Variants in GRIP1 observed in about 807,000 individuals in gnomAD.
GRIP1 encodes glutamate receptor interacting protein 1, also known as glutamate receptor-interacting protein 1.
A neutral mutation model predicts 129.9 loss-of-function variants in GRIP1; 45 were observed. The observed-to-expected ratio is 0.35, with a 90% CI of 0.27 to 0.44. GRIP1 has a LOEUF of 0.44. Among genes scored for constraint, GRIP1 ranks in the 20% least tolerant of loss-of-function variants. The probability of loss-of-function intolerance (pLI) is 1.00; values close to 1 mark genes in which losing one functional copy is unlikely to be tolerated. For synonymous variants in GRIP1, 530 were observed against 520.8 expected (o/e 1.02, Z -0.24); for missense variants, 1,196 against 1,396.8 (o/e 0.86, Z 2.29).
At chr12:66,846,685 T>A (rs2039822933) in intron 1 of GRIP1, among the ~76,000 whole-genome samples, 1 of 152,186 alleles carries the variant, frequency 6.6e-6, no homozygotes. Context: ...ATTAAACAGG[T>A]GCAGACTTTG....
At chr12:67,010,955 T>C (rs2042698044) in intron 1 of GRIP1, among the ~76,000 whole-genome samples, 1 of 152,144 alleles carries the variant, frequency 6.6e-6, no homozygotes, top group African/African-American at 2.4e-5. Flanking sequence ...TGAGGCCTAG[T>C]ACCTTCCTCT....
chr12:66,726,401 T>C (rs577135115), intron 1 of GRIP1, among the ~76,000 whole-genome samples: 49 of 152,156 alleles, frequency 3.2e-4, no homozygotes, highest in Non-Finnish European at 5.3e-4. Flanking sequence ...TGACCTTCAA[T>C]TGCTTTCCTT....
At chr12:66,748,107 C>T (rs986772897) in intron 1 of GRIP1, among the ~76,000 whole-genome samples, 23 of 152,116 alleles carry the variant, frequency 1.5e-4, no homozygotes, top group African/African-American at 5.5e-4. Flanking sequence ...CAACCTCCAC[C>T]TTCTGGGTTT....
chr12:66,964,857 T>C (rs2041972874), intron 1 of GRIP1, among the ~76,000 whole-genome samples: 1 of 152,102 alleles, frequency 6.6e-6, no homozygotes, highest in South Asian at 2.1e-4. Context: ...GAGGCCTCTT[T>C]TCTTGGTGTG....
chr12:66,369,470 CT>C (rs1326570185), intron 23 of GRIP1, among the ~76,000 whole-genome samples: 4 of 149,652 alleles, frequency 2.7e-5, no homozygotes, highest in Non-Finnish European at 2.9e-5. Flanking sequence ...GAAAACAGGT[CT>C]TTTGTATTCC....
upstream of GRIP1, among the ~76,000 whole-genome samples, chr12:66,682,432 T>G (rs1375506575): frequency 6.6e-6 from 1 of 152,116 alleles, no homozygotes; most frequent in African/African-American, 2.4e-5. Flanking sequence ...GAATATCACC[T>G]CCATTGACAA....
chr12:66,718,630 C>T (rs982598015), intron 1 of GRIP1, among the ~76,000 whole-genome samples: 1 of 152,006 alleles, frequency 6.6e-6, no homozygotes, highest in Non-Finnish European at 1.5e-5. Context: ...GTGGGTGGAT[C>T]ATCTGAGGTC....
At chr12:66,510,952 C>T (rs766368409) in intron 7 of GRIP1, among the ~76,000 whole-genome samples, 10 of 152,274 alleles carry the variant, frequency 6.6e-5, no homozygotes, top group Admixed American at 3.3e-4. Flanking sequence ...AAATGAGATA[C>T]TACCACATGC....
intron 1 of GRIP1, among the ~76,000 whole-genome samples, chr12:66,760,384 G>T (rs1201461150): frequency 6.6e-6 from 1 of 152,112 alleles, no homozygotes; most frequent in Non-Finnish European, 1.5e-5. Flanking sequence ...ACCCCAAACA[G>T]GGGAAAATAA....
chr12:66,438,514 G>GC (rs1156369786), intron 13 of GRIP1, among the ~76,000 whole-genome samples: 1 of 139,598 alleles, frequency 7.2e-6, no homozygotes, highest in East Asian at 2.1e-4. Context: ...TTGAGACGGA[G>GC]TTTTTTTTTT....
intron 1 of GRIP1, among the ~76,000 whole-genome samples, chr12:66,810,799 T>G (rs988126284): frequency 1.3e-5 from 2 of 152,204 alleles, no homozygotes; most frequent in Middle Eastern, 3.2e-3. Flanking sequence ...GTCTCTAATT[T>G]GATTCTGTCC....
intron 1 of GRIP1, among the ~76,000 whole-genome samples, chr12:66,689,860 C>T (rs1331378942): frequency 2.0e-5 from 3 of 152,060 alleles, no homozygotes; most frequent in Non-Finnish European, 4.4e-5. Flanking sequence ...CACCATTTTA[C>T]TCTTTTATGA....
chr12:66,875,576 C>T lies in GRIP1; in HGVS notation c.58+193474G>A, dbSNP rs190600603. ...TCAGTAATTAAATTCCATGCACATC[C>T]AGAATTTTGCTTGTATGTACATTTT... On this transcript the variant is annotated intron_variant, in intron 1 of 1. Coordinates refer to the GRIP1 transcript ENST00000643019. 5.3e-3 allele frequency among the ~76,000 whole-genome samples: 799 copies of T among 152,104 alleles called. 11 individuals are homozygous for T. Among genetic ancestry groups the T allele is most frequent in the African/African-American group, 0.016 (674 of 41,494 alleles).
At chr12:66,426,679 A>G (rs1305419848) in intron 14 of GRIP1, among the ~76,000 whole-genome samples, 3 of 152,072 alleles carry the variant, frequency 2.0e-5, no homozygotes. Context: ...GTGGTCCTAA[A>G]GAGCTGTTCA....
chr12:66,598,806 T>C (rs1468919022), intron 1 of GRIP1, among the ~76,000 whole-genome samples: 1 of 152,180 alleles, frequency 6.6e-6, no homozygotes, highest in Non-Finnish European at 1.5e-5. Context: ...TACGGCATCT[T>C]GGAAGCCTAA....
chr12:66,926,633 A>G (rs2041300170), intron 1 of GRIP1, among the ~76,000 whole-genome samples: 1 of 152,222 alleles, frequency 6.6e-6, no homozygotes, highest in East Asian at 1.9e-4. Flanking sequence ...ATGTGACTTT[A>G]GTCTTCAATT....
intron 1 of GRIP1, among the ~76,000 whole-genome samples, chr12:66,649,463 A>G (rs2032625817): frequency 1.3e-5 from 2 of 152,220 alleles, no homozygotes; most frequent in Non-Finnish European, 2.9e-5. Context: ...ATTCAATTAA[A>G]CACACAATTA....
chr12:66,785,120 A>G (rs2038279873), intron 1 of GRIP1, among the ~76,000 whole-genome samples: 1 of 151,784 alleles, frequency 6.6e-6, no homozygotes, highest in South Asian at 2.1e-4. Flanking sequence ...AAAAAGGTAG[A>G]TATAAGAAGA....
intron 2 of GRIP1, among the ~76,000 whole-genome samples, chr12:66,556,604 G>A (rs1592544272): frequency 6.6e-6 from 1 of 151,384 alleles, no homozygotes; most frequent in East Asian, 1.9e-4. Flanking sequence ...TAATAACTAT[G>A]ACAACTTTTC....
Sources: gnomAD v4.1 joint callset for allele counts (sites outside exome capture counted in the v4.1 genomes callset) on GRCh38, gnomAD v4.1.1 for gene constraint, MANE v1.5 for transcripts, NCBI Gene and HGNC (gene_info 2026-07-23, HGNC 2026-07-21) for gene names.